The following TRHDE variants were observed in gnomAD, a reference collection of about 807,000 sequenced individuals.
TRHDE encodes the protein thyrotropin-releasing hormone-degrading ectoenzyme.
A neutral mutation model predicts 125.7 loss-of-function variants in TRHDE; 72 were observed. The ratio of observed to expected loss-of-function variants is 0.57; its 90% CI spans 0.47 to 0.70. The LOEUF (loss-of-function observed/expected upper bound fraction) is 0.70. Ranked by LOEUF, TRHDE falls within the 30% of genes least tolerant of loss-of-function variation. The pLI, the probability that TRHDE is intolerant of heterozygous loss-of-function variation, is 0.00. For missense variants in TRHDE, 1,110 were observed against 1,327.1 expected (o/e 0.84, Z 2.54); for synonymous variants, 509 against 509.1 (o/e 1.00, Z 0.00).
intron 3 of TRHDE, among the ~76,000 whole-genome samples, chr12:72,413,469 A>G (rs1299377766): frequency 4.1e-5 from 3 of 72,702 alleles, no homozygotes; most frequent in Non-Finnish European, 6.4e-5. Flanking sequence ...TATATGTAAA[A>G]TAAAATGATA....
At chr12:72,448,245 G>A (rs1238393369) in intron 3 of TRHDE, among the ~76,000 whole-genome samples, 2 of 152,062 alleles carry the variant, frequency 1.3e-5, no homozygotes, top group African/African-American at 4.8e-5. Context: ...TGCCATCATA[G>A]ATTTGTGCAT....
intron 3 of TRHDE, among the ~76,000 whole-genome samples, chr12:72,421,154 C>A (rs1044724513): frequency 4.6e-5 from 7 of 152,074 alleles, no homozygotes; most frequent in African/African-American, 1.4e-4. Flanking sequence ...CAGATTCAAC[C>A]AACTCAAATT....
chr12:72,241,304 C>T (rs937246165), intron 2 of TRHDE, among the ~76,000 whole-genome samples: 2 of 152,206 alleles, frequency 1.3e-5, no homozygotes, highest in Non-Finnish European at 2.9e-5. Flanking sequence ...TTTGTAGTCA[C>T]ATACTCCCCT....
intron 2 of TRHDE, among the ~76,000 whole-genome samples, chr12:72,320,017 A>G (rs1305618538): frequency 6.6e-6 from 1 of 152,072 alleles, no homozygotes. Flanking sequence ...TTAAAAAATT[A>G]TTTATTTATT....
chr12:72,659,514 A>G lies in TRHDE; in HGVS notation c.3066+2506A>G, dbSNP rs1874833260. 2.6e-5 allele frequency among the ~76,000 whole-genome samples: 4 copies of G among 152,304 alleles called. No homozygotes were observed. In the South Asian group the frequency reaches 8.3e-4, roughly 32 times the overall value. On this transcript the variant is annotated intron_variant, in intron 18 of 18. Coordinates refer to ENST00000261180, the MANE Select transcript of TRHDE (RefSeq NM_013381.3). The stretch of plus-strand genomic sequence containing the variant: ...TAATATTGAAGATATAAACTTTGTA[A>G]TAGGGCAATAGTTAATTCTATTCAT...
chr12:72,562,903 G>T lies in TRHDE; in HGVS notation c.1905G>T (p.Gln635His). The change falls in exon 9 of 19, where the codon CAG becomes CAT. Residue 635 changes from glutamine to histidine, a missense_variant. Gln to His is a conservative substitution (Grantham distance 24). Coordinates refer to ENST00000261180, the MANE Select transcript of TRHDE (RefSeq NM_013381.3). The part of the protein sequence containing the change: ...KYVNIQEVMD[Q>H]WTLQMGYPVI... ...TAAATATACAAGAAGTAATGGATCA[G>T]TGGACACTCCAGATGGGTTATCCTG... 1 of 1,606,198 alleles carries T rather than the reference G, an allele frequency of 6.2e-7. No homozygotes were observed. The highest frequency in any genetic ancestry group is 1.1e-5 in the South Asian group (1 of 89,156).
At chr12:72,307,423 G>T (rs1408136482) in intron 2 of TRHDE, among the ~76,000 whole-genome samples, 1 of 149,642 alleles carries the variant, frequency 6.7e-6, no homozygotes, top group Non-Finnish European at 1.5e-5. Flanking sequence ...GGATCCACCC[G>T]CCTCCCAAAG....
At chr12:72,237,901 C>CTAG (rs1878368456) in intron 2 of TRHDE, among the ~76,000 whole-genome samples, 2 of 152,180 alleles carry the variant, frequency 1.3e-5, no homozygotes, top group African/African-American at 4.8e-5. Flanking sequence ...GCACAAAGAG[C>CTAG]TAGTGCAAAG....
intron 6 of TRHDE, among the ~76,000 whole-genome samples, chr12:72,516,258 G>T (rs185088711): frequency 7.6e-4 from 115 of 152,040 alleles, no homozygotes; most frequent in African/African-American, 2.5e-3. Flanking sequence ...TCATGGTATT[G>T]ATTCTTCCTA....
At chr12:72,218,098 A>C (rs1027507030) in intron 2 of TRHDE, among the ~76,000 whole-genome samples, 2 of 152,120 alleles carry the variant, frequency 1.3e-5, no homozygotes, top group Admixed American at 6.6e-5. Context: ...AAAACATTAC[A>C]CATCTGTTCA....
At chr12:72,170,587 G>A (rs887053671) in intron 2 of TRHDE, among the ~76,000 whole-genome samples, 1 of 152,028 alleles carries the variant, frequency 6.6e-6, no homozygotes. Flanking sequence ...GTTCAAGCAA[G>A]GATTGCTTGG....
chr12:72,246,175 CA>C (rs931996430), intron 2 of TRHDE, among the ~76,000 whole-genome samples: 2 of 151,090 alleles, frequency 1.3e-5, no homozygotes, highest in Non-Finnish European at 3.0e-5. Flanking sequence ...ATATTGTCCT[CA>C]AAAAAAACTG....
chr12:72,591,632 G>GTTTTTTTTTTT (rs71071842), intron 12 of TRHDE, among the ~76,000 whole-genome samples: 15 of 125,430 alleles, frequency 1.2e-4, no homozygotes, highest in African/African-American at 3.8e-4. Context: ...AAGGATATGG[G>GTTTTTTTTTTT]TTTTTTTTTT....
intron 3 of TRHDE, among the ~76,000 whole-genome samples, chr12:72,428,868 G>T (rs1874302402): frequency 6.6e-6 from 1 of 151,970 alleles, no homozygotes; most frequent in Admixed American, 6.6e-5. Flanking sequence ...TGGTTTTGGT[G>T]GCTGGCTCTT....
At chr12:72,485,685 C>T (rs1420433331) in intron 5 of TRHDE, among the ~76,000 whole-genome samples, 1 of 152,166 alleles carries the variant, frequency 6.6e-6, no homozygotes, top group Non-Finnish European at 1.5e-5. Context: ...CGGAGTCCTG[C>T]CCCATACAAA....
At chr12:72,298,600 G>A (rs1198677483) in intron 2 of TRHDE, among the ~76,000 whole-genome samples, 2 of 152,134 alleles carry the variant, frequency 1.3e-5, no homozygotes, top group Non-Finnish European at 2.9e-5. Flanking sequence ...GAAAAAAGGA[G>A]TGAAAGATGA....
chr12:72,541,557 G>A (rs926788258), intron 6 of TRHDE, among the ~76,000 whole-genome samples: 10 of 151,374 alleles, frequency 6.6e-5, no homozygotes, highest in African/African-American at 1.9e-4. Flanking sequence ...AAAAGAAATA[G>A]GAAATGAAAA....
chr12:72,436,991 T>A (rs894942749), intron 3 of TRHDE, among the ~76,000 whole-genome samples: 2 of 151,886 alleles, frequency 1.3e-5, no homozygotes, highest in Non-Finnish European at 2.9e-5. Flanking sequence ...AGTTTATACA[T>A]GTCCTATTCA....
chr12:72,509,363 C>T (rs1337051447), intron 6 of TRHDE, among the ~76,000 whole-genome samples: 3 of 152,144 alleles, frequency 2.0e-5, no homozygotes, highest in East Asian at 3.9e-4. Flanking sequence ...TCCCCAGGTA[C>T]TTATAGACCC....
Sources: allele counts gnomAD v4.1 joint callset (sites outside exome capture counted in the v4.1 genomes callset), GRCh38; gene constraint gnomAD v4.1.1; transcripts MANE v1.5; gene names NCBI Gene and HGNC (gene_info 2026-07-23, HGNC 2026-07-21).